ARAP2: variants seen among roughly 807,000 people sequenced by gnomAD.
The protein encoded by ARAP2 is arf-GAP with Rho-GAP domain, ANK repeat and PH domain-containing protein 2.
ARAP2 carries 148 observed loss-of-function variants against 194.5 expected under a neutral mutation model. The ratio of observed to expected loss-of-function variants is 0.76; its 90% CI spans 0.67 to 0.87. The LOEUF (loss-of-function observed/expected upper bound fraction) is 0.87, where lower values mean the gene tolerates loss of function less well. ARAP2 is among the 40% of genes least tolerant of loss of function. The pLI is 0.00. For missense variants in ARAP2, 2,128 were observed against 1,989.7 expected (o/e 1.07, Z -1.32); for synonymous variants, 695 against 683.5 (o/e 1.02, Z -0.26).
intron 31 of ARAP2, 78 bp downstream of exon 31, chr4:36,080,138 T>C (rs1729160968): frequency 4.1e-6 from 5 of 1,209,008 alleles, no homozygotes; most frequent in African/African-American, 1.5e-5. Context: ...AAAAATTCTT[T>C]AGAAATCACC....
At chr4:36,105,035 C>G (rs937710845) in intron 27 of ARAP2, among the ~76,000 whole-genome samples, 15 of 152,068 alleles carry the variant, frequency 9.9e-5, no homozygotes, top group African/African-American at 2.6e-4. Flanking sequence ...GAGAGTGACA[C>G]AGAAGTTTAC....
intron 6 of ARAP2, among the ~76,000 whole-genome samples, chr4:36,204,479 A>T (rs1299476116): frequency 1.3e-5 from 2 of 152,222 alleles, no homozygotes; most frequent in Non-Finnish European, 2.9e-5. Flanking sequence ...AAAGATGGAA[A>T]GACAAAAACA....
intron 31 of ARAP2, among the ~76,000 whole-genome samples, chr4:36,079,834 G>A (rs1438338454): frequency 3.9e-5 from 6 of 152,128 alleles, no homozygotes; most frequent in African/African-American, 2.4e-5. Flanking sequence ...AGGCAGGGGT[G>A]GAGAGAGTGG....
chr4:36,060,565 T>C (rs1487522687), intron 1 of ARAP2, among the ~76,000 whole-genome samples: 1 of 152,178 alleles, frequency 6.6e-6, no homozygotes, highest in Non-Finnish European at 1.5e-5. Context: ...GCTCATCATA[T>C]ATCAATATTA....
intron 19 of ARAP2, among the ~76,000 whole-genome samples, chr4:36,146,473 T>C (rs1218288575): frequency 6.6e-6 from 1 of 151,994 alleles, no homozygotes; most frequent in Admixed American, 6.6e-5. Flanking sequence ...TCCCACTCTC[T>C]CTTTCATTCA....
intron 26 of ARAP2, among the ~76,000 whole-genome samples, chr4:36,111,976 C>G (rs1404963978): frequency 1.3e-5 from 2 of 151,912 alleles, no homozygotes; most frequent in Admixed American, 6.6e-5. Flanking sequence ...TTTTAAAAAG[C>G]AACAGAAATA....
chr4:36,168,235 C>T (rs1735734653), intron 9 of ARAP2, among the ~76,000 whole-genome samples: 1 of 152,122 alleles, frequency 6.6e-6, no homozygotes, highest in Admixed American at 6.5e-5. Context: ...GGCCGAAAAG[C>T]CTTAGAAGAA....
intron 19 of ARAP2, among the ~76,000 whole-genome samples, chr4:36,134,159 T>C (rs1726093398): frequency 6.6e-6 from 1 of 151,726 alleles, no homozygotes; most frequent in South Asian, 2.1e-4. Flanking sequence ...AATATAATAA[T>C]AGCACCTAGG....
rs1424376447 is a variant in ARAP2 at position 36,128,569 on chromosome 4, T to C, written c.3604A>G (p.Thr1202Ala). The change falls in exon 21 of 33, where the codon ACT (threonine) becomes GCT (alanine). Residue 1202 changes from threonine (T) to alanine (A), a missense_variant. Thr to Ala is a moderately conservative substitution (Grantham distance 58). Transcript: ENST00000303965. ...ATCCAATATGGGTAGAGCTCCTTAG[T>C]AAGCAGTGCATCATCAATGTCAGAG... ...FLSDIDDALL[T>A]KELYPYWISA... 6.2e-7 allele frequency: 1 copy of C among 1,612,712 alleles called. No individual in the cohort carries two copies. Among genetic ancestry groups the C allele is most frequent in the Non-Finnish European group, 8.5e-7 (1 of 1,179,442 alleles).
chr4:36,217,331 G>A (rs1748156639), intron 2 of ARAP2, among the ~76,000 whole-genome samples: 1 of 152,186 alleles, frequency 6.6e-6, no homozygotes, highest in African/African-American at 2.4e-5. Context: ...GGCCAACATG[G>A]AGAAACCCCA....
chr4:36,230,339 C>T (rs1300696610), intron 1 of ARAP2, among the ~76,000 whole-genome samples: 1 of 152,190 alleles, frequency 6.6e-6, no homozygotes, highest in Admixed American at 6.5e-5. Flanking sequence ...TTCCCTTTCA[C>T]TGCATTTTCT....
intron 9 of ARAP2, 60 bp from the exon 10 acceptor site, chr4:36,167,107 T>A: frequency 9.9e-7 from 1 of 1,013,982 alleles, no homozygotes; most frequent in Non-Finnish European, 1.4e-6. Context: ...TTTGAAAGTA[T>A]AATTACATTT....
intron 27 of ARAP2, among the ~76,000 whole-genome samples, chr4:36,102,636 T>G (rs1255127924): frequency 6.6e-6 from 1 of 152,020 alleles, no homozygotes; most frequent in Non-Finnish European, 1.5e-5. Flanking sequence ...TACTTTTCTG[T>G]GATTGAAAGC....
chr4:36,039,107 G>C (rs1720407237), intron 5 of ARAP2, among the ~76,000 whole-genome samples: 1 of 152,172 alleles, frequency 6.6e-6, no homozygotes, highest in African/African-American at 2.4e-5. Context: ...GTCAAGGGCA[G>C]GGAGATAAGA....
chr4:36,164,849 C>T, intron 11 of ARAP2, 65 bp downstream of exon 11: 2 of 1,485,322 alleles, frequency 1.3e-6, no homozygotes, highest in South Asian at 2.3e-5. Context: ...TAATATGCAA[C>T]AATGAAGAGC....
intron 17 of ARAP2, among the ~76,000 whole-genome samples, chr4:36,148,074 C>A (rs1037067723): frequency 1.3e-5 from 2 of 152,118 alleles, no homozygotes; most frequent in African/African-American, 2.4e-5. Flanking sequence ...TGAATCTGCT[C>A]TTTTCTCCTT....
chr4:36,170,999 T>A lies in ARAP2; in HGVS notation c.1858-3952A>T, dbSNP rs1441353421. The stretch of plus-strand genomic sequence containing the variant: ...ACTGAATCCAACCCACAAGAGAGAG[T>A]TGTGTTCCTAACAGGCCTTCCAAAG... On this transcript the variant is annotated intron_variant, in intron 9 of 32. Coordinates refer to ENST00000303965, the MANE Select transcript of ARAP2 (RefSeq NM_015230.4). Among the ~76,000 whole-genome samples, 3 of 151,096 alleles carry A rather than the reference T, an allele frequency of 2.0e-5. No homozygotes were observed. In the South Asian group the frequency reaches 6.3e-4, roughly 31 times the overall value.
chr4:36,005,738 C>G (rs988773475), intron 10 of ARAP2: 2 of 152,046 alleles, frequency 1.3e-5, no homozygotes, highest in Non-Finnish European at 2.9e-5. Flanking sequence ...GCCCTTAAGA[C>G]AAACACCAAA....
At chr4:36,058,256 C>T (rs926517858) in intron 1 of ARAP2, 6 of 152,344 alleles carry the variant, frequency 3.9e-5, no homozygotes, top group South Asian at 2.1e-4. Context: ...TACTGTTATA[C>T]GTGGCATCAC....
Sources: gnomAD v4.1 joint callset for allele counts (sites outside exome capture counted in the v4.1 genomes callset) on GRCh38, gnomAD v4.1.1 for gene constraint, MANE v1.5 for transcripts, NCBI Gene and HGNC (gene_info 2026-07-23, HGNC 2026-07-21) for gene names.